RPSA2: variants seen among roughly 807,000 people sequenced by gnomAD.
The protein encoded by RPSA2 is ribosomal protein SA 2.
chr19:23,787,426 C>A, the RPSA2 span, among the ~76,000 whole-genome samples: 1 of 144,984 alleles, frequency 6.9e-6, no homozygotes, highest in Admixed American at 7.0e-5. Context: ...TATTGTGAAA[C>A]CCTGTCTCTA....
chr19:23,850,697 T>C, the RPSA2 span, among the ~76,000 whole-genome samples: 1 of 151,860 alleles, frequency 6.6e-6, no homozygotes, highest in East Asian at 2.0e-4. Flanking sequence ...TCCCAGGTAT[T>C]GGTCTGGGAA....
At chr19:23,829,285 T>C in the RPSA2 span, among the ~76,000 whole-genome samples, 1 of 152,206 alleles carries the variant, frequency 6.6e-6, no homozygotes, top group Non-Finnish European at 1.5e-5. Flanking sequence ...TTTGCATTGA[T>C]ATGCTTTCGC....
chr19:23,863,136 G>A, the RPSA2 span, among the ~76,000 whole-genome samples: 1 of 152,162 alleles, frequency 6.6e-6, no homozygotes, highest in Non-Finnish European at 1.5e-5. Flanking sequence ...GCAGGTAGAA[G>A]AGAAATAGAA....
At chr19:23,831,542 T>C in the RPSA2 span, 1 of 155,658 alleles carries the variant, frequency 6.4e-6, no homozygotes, top group Non-Finnish European at 1.5e-5. Context: ...TAAAACTATA[T>C]CCATGTGAGT....
the RPSA2 span, among the ~76,000 whole-genome samples, chr19:23,865,658 G>A: frequency 1.3e-5 from 2 of 152,114 alleles, no homozygotes; most frequent in African/African-American, 4.8e-5. Flanking sequence ...AGGAGAATTG[G>A]CCTCTGCCAC....
At chr19:23,851,089 T>A in the RPSA2 span, among the ~76,000 whole-genome samples, 6 of 152,148 alleles carry the variant, frequency 3.9e-5, no homozygotes, top group African/African-American at 9.7e-5. Context: ...AACATGGGCC[T>A]TGCCTTCTCC....
the RPSA2 span, among the ~76,000 whole-genome samples, chr19:23,841,856 G>T: frequency 1.3e-5 from 2 of 152,176 alleles, no homozygotes; most frequent in Admixed American, 1.3e-4. Flanking sequence ...CAAACTTACT[G>T]AGTCAGGCTG....
the RPSA2 span, among the ~76,000 whole-genome samples, chr19:23,868,926 A>C: frequency 2.0e-5 from 3 of 152,228 alleles, no homozygotes; most frequent in South Asian, 2.1e-4. Flanking sequence ...GGTGACATCA[A>C]CCCCTATAAC....
the RPSA2 span, among the ~76,000 whole-genome samples, chr19:23,775,543 G>A: frequency 7.9e-5 from 12 of 152,168 alleles, no homozygotes; most frequent in African/African-American, 2.9e-4. Flanking sequence ...TAGGCTCAGT[G>A]TAGAGTTTAG....
the RPSA2 span, among the ~76,000 whole-genome samples, chr19:23,775,116 A>C: frequency 6.6e-6 from 1 of 152,236 alleles, no homozygotes. Context: ...CACATATTGT[A>C]TGAAGCCCCG....
At chr19:23,761,303 C>G in the RPSA2 span, among the ~76,000 whole-genome samples, 1 of 152,042 alleles carries the variant, frequency 6.6e-6, no homozygotes, top group Non-Finnish European at 1.5e-5. Flanking sequence ...TGGTCTTGAA[C>G]CCCTGGGCTT....
chr19:23,821,558 C>T, the RPSA2 span, among the ~76,000 whole-genome samples: 3 of 152,188 alleles, frequency 2.0e-5, no homozygotes, highest in Non-Finnish European at 2.9e-5. Flanking sequence ...AGAAGGAACC[C>T]GGTTGGTCCT....
the RPSA2 span, chr19:23,758,612 C>T: frequency 4.5e-6 from 6 of 1,345,000 alleles, no homozygotes; most frequent in South Asian, 5.8e-5. Flanking sequence ...CAGCCGCCAT[C>T]TTATGGTCCA....
chr19:23,789,623 G>T, the RPSA2 span, among the ~76,000 whole-genome samples: 3 of 151,972 alleles, frequency 2.0e-5, no homozygotes, highest in African/African-American at 7.2e-5. Context: ...AGGTCCTAGA[G>T]AATTACCACT....
At chr19:23,849,853 C>T in the RPSA2 span, among the ~76,000 whole-genome samples, 2 of 152,050 alleles carry the variant, frequency 1.3e-5, no homozygotes, top group Admixed American at 1.3e-4. Context: ...GGGCCCTCAA[C>T]ATTTTTAGGA....
At chr19:23,793,705 G>C in the RPSA2 span, among the ~76,000 whole-genome samples, 1 of 152,024 alleles carries the variant, frequency 6.6e-6, no homozygotes, top group East Asian at 1.9e-4. Flanking sequence ...TGCTATTACA[G>C]GTGCCCACCA....
the RPSA2 span, among the ~76,000 whole-genome samples, chr19:23,829,560 C>G: frequency 2.3e-4 from 35 of 152,174 alleles, no homozygotes; most frequent in African/African-American, 8.4e-4. Context: ...CTCGGCCTCC[C>G]AAAGTGCTGG....
the RPSA2 span, among the ~76,000 whole-genome samples, chr19:23,869,599 C>T: frequency 3.3e-5 from 5 of 152,338 alleles, no homozygotes; most frequent in African/African-American, 1.2e-4. Context: ...ACACAAACTT[C>T]ACTGCCATTG....
chr19:23,832,648 G>A, the RPSA2 span: 1 of 1,455,336 alleles, frequency 6.9e-7, no homozygotes. Context: ...ATGTGAAGAA[G>A]GTGGCAAAGC....
Sources: gnomAD v4.1 joint callset for allele counts (sites outside exome capture counted in the v4.1 genomes callset) on GRCh38, gnomAD v4.1.1 for gene constraint, MANE v1.5 for transcripts, NCBI Gene and HGNC (gene_info 2026-07-23, HGNC 2026-07-21) for gene names.